SPAG6: variants seen among roughly 807,000 people sequenced by gnomAD.
The protein encoded by SPAG6 is sperm associated antigen 6, also known as sperm-associated antigen 6.
A neutral mutation model predicts 58.5 loss-of-function variants in SPAG6; 49 were observed. That is an observed-to-expected ratio of 0.84 (90% CI 0.67 to 1.06). The LOEUF is 1.06. Ranked by LOEUF, SPAG6 falls within the 50% of genes least tolerant of loss-of-function variation. SPAG6 has a pLI of 0.00. For missense variants in SPAG6, 560 were observed against 611.3 expected (o/e 0.92, Z 0.89); for synonymous variants, 233 against 225.6 (o/e 1.03, Z -0.29).
At position 22,387,972 on chromosome 10, in the gene SPAG6, A is replaced by G; in HGVS notation, c.828A>G (p.Arg276=). The G allele has an allele frequency of 1.2e-6, 2 of 1,611,316 alleles. No homozygotes were observed. The highest frequency in any genetic ancestry group is 1.1e-5 in the South Asian group (1 of 90,302). ...AGAAAAATGCTTCTACTTTAATTAG[A>G]GAGATTGCAAAACATACACCCGAGG... ...YVKKNASTLI[R]EIAKHTPELS... The change falls in exon 6 of 11, where the codon AGA becomes AGG. Residue 276 remains arginine, a synonymous_variant. Transcript: ENST00000376624.
intron 4 of SPAG6, among the ~76,000 whole-genome samples, chr10:22,371,576 T>C (rs548324831): frequency 6.6e-6 from 1 of 152,278 alleles, no homozygotes; most frequent in Admixed American, 6.5e-5. Flanking sequence ...TGTTTGTTTT[T>C]TGAAAATAAC....
In SPAG6 at chr10:22,413,687, T is replaced by TTATATATATATA. The variant is rs1564384057; in HGVS notation, c.1460+2511_1460+2512insTATATATATATA. ...TACCTGACTAATGTTTTCAAATTTC[T>TTATATATATATA]GATATATATATATATATATATTTCA... On this transcript the variant is annotated intron_variant, in intron 10 of 10. Transcript: ENST00000376624. Among the ~76,000 whole-genome samples, 566 of 130,162 alleles carry TTATATATATATA rather than the reference T, an allele frequency of 4.3e-3. 8 individuals are homozygous for TTATATATATATA. Among genetic ancestry groups the TTATATATATATA allele is most frequent in the African/African-American group, 0.023 (518 of 22,472 alleles). 85.4% of individuals were successfully genotyped at this position (130,162 alleles called of 152,430 possible).
At chr10:22,397,251 A>C (rs1187378481) in intron 8 of SPAG6, among the ~76,000 whole-genome samples, 2 of 152,132 alleles carry the variant, frequency 1.3e-5, no homozygotes, top group African/African-American at 4.8e-5. Flanking sequence ...AGAACTAATA[A>C]GAGTTCAACA....
At chr10:22,370,853 G>A (rs181976420) in intron 4 of SPAG6, among the ~76,000 whole-genome samples, 1 of 152,276 alleles carries the variant, frequency 6.6e-6, no homozygotes, top group Admixed American at 6.5e-5. Context: ...AGTATATTTA[G>A]TAAGTTTTTT....
chr10:22,373,887 A>G (rs1453447047), intron 4 of SPAG6, among the ~76,000 whole-genome samples: 4 of 152,222 alleles, frequency 2.6e-5, no homozygotes, highest in African/African-American at 9.6e-5. Flanking sequence ...AAAAATATAA[A>G]GTGAAAATAA....
intron 4 of SPAG6, among the ~76,000 whole-genome samples, chr10:22,374,789 A>T (rs1833780212): frequency 1.3e-5 from 2 of 151,794 alleles, no homozygotes; most frequent in African/African-American, 4.8e-5. Flanking sequence ...AAAAAAAAAG[A>T]TGAATTTTGA....
intron 4 of SPAG6, among the ~76,000 whole-genome samples, chr10:22,386,235 A>G (rs897465880): frequency 6.6e-6 from 1 of 152,220 alleles, no homozygotes; most frequent in African/African-American, 2.4e-5. Flanking sequence ...TCTATTTTGT[A>G]TGAAATTTTT....
chr10:22,355,251 G>A (rs1225565284), intron 2 of SPAG6, among the ~76,000 whole-genome samples: 1 of 152,186 alleles, frequency 6.6e-6, no homozygotes. Context: ...TACCTCATTG[G>A]ATTGTAATGA....
At chr10:22,402,590 A>C (rs1834442227) in intron 9 of SPAG6, among the ~76,000 whole-genome samples, 1 of 152,184 alleles carries the variant, frequency 6.6e-6, no homozygotes, top group African/African-American at 2.4e-5. Flanking sequence ...CCACTCACCC[A>C]GGCAGGATAC....
At chr10:22,381,378 TA>T (rs1311876236) in intron 4 of SPAG6, among the ~76,000 whole-genome samples, 57 of 144,036 alleles carry the variant, frequency 4.0e-4, no homozygotes, top group East Asian at 6.0e-4. Flanking sequence ...AATTTCACAT[TA>T]AAAAAAAAAA....
intron 8 of SPAG6, among the ~76,000 whole-genome samples, chr10:22,400,011 T>G (rs1209621592): frequency 6.6e-6 from 1 of 152,204 alleles, no homozygotes; most frequent in Non-Finnish European, 1.5e-5. Flanking sequence ...AATAAGAGGC[T>G]ATGCAAGACT....
chr10:22,404,862 T>C (rs1191041370), intron 9 of SPAG6, among the ~76,000 whole-genome samples: 2 of 152,212 alleles, frequency 1.3e-5, no homozygotes, highest in Non-Finnish European at 2.9e-5. Flanking sequence ...TCACATCCCT[T>C]GTAAGTTGGA....
chr10:22,380,188 T>A (rs1482777112), intron 4 of SPAG6, among the ~76,000 whole-genome samples: 1 of 152,252 alleles, frequency 6.6e-6, no homozygotes, highest in East Asian at 1.9e-4. Context: ...ACATATTTGT[T>A]ATTATAATTT....
rs145006712 is a variant in SPAG6 at position 22,411,325 on chromosome 10, C to A, written c.1460+149C>A. 93 of 569,708 alleles carry A rather than the reference C, an allele frequency of 1.6e-4. No homozygotes were observed. In the East Asian group the frequency reaches 2.8e-3, roughly 17 times the overall value. 35.3% of individuals were successfully genotyped at this position (569,708 alleles called of 1,614,324 possible). On this transcript the variant is annotated intron_variant, in intron 10 of 10. Transcript: ENST00000376624. ...CTTTATTTCTCTCTTGATCTCTTCC[C>A]CCTGCCAAATTAATTAATGATCTGA...
chr10:22,415,920 C>T (rs1307345190), intron 10 of SPAG6, among the ~76,000 whole-genome samples: 2 of 152,062 alleles, frequency 1.3e-5, no homozygotes, highest in African/African-American at 4.8e-5. Flanking sequence ...AAGCATCTCA[C>T]AATGCACTGA....
chr10:22,412,456 C>T (rs1327763370), intron 10 of SPAG6: 1 of 1,525,000 alleles, frequency 6.6e-7, no homozygotes, highest in Non-Finnish European at 8.8e-7. Context: ...AAATTCTTTC[C>T]AGAGTTGCAA....
intron 2 of SPAG6, among the ~76,000 whole-genome samples, chr10:22,357,013 C>T (rs959228453): frequency 6.6e-6 from 1 of 152,186 alleles, no homozygotes; most frequent in African/African-American, 2.4e-5. Flanking sequence ...AGCTTCCTGT[C>T]TCCCTTCTTG....
In SPAG6 at chr10:22,401,231, A is replaced by G; in HGVS notation, c.1268A>G (p.Asp423Gly). 1 of 1,605,926 alleles carries G rather than the reference A, an allele frequency of 6.2e-7. No homozygotes were observed. The highest frequency in any genetic ancestry group is 1.1e-5 in the South Asian group (1 of 90,850). ...CCAGCCCTTGAACCATTTCTATATG[A>G]TGCTCCTCCCAATATTCTGAAACAT... Reference protein sequence around the residue: ...YLPALEPFLYDAPPNILKHVV... With the variant: ...YLPALEPFLYGAPPNILKHVV... Residue 423 changes from aspartate (D) to glycine (G), a missense_variant, in exon 9 of 11, where the codon GAT (aspartate) becomes GGT (glycine). Coordinates refer to ENST00000376624, the MANE Select transcript of SPAG6 (RefSeq NM_012443.4).
intron 7 of SPAG6, 23 bp from the exon 8 acceptor site, chr10:22,391,706 T>C: frequency 1.2e-6 from 2 of 1,608,482 alleles, no homozygotes; most frequent in Non-Finnish European, 1.7e-6. Flanking sequence ...TCATAACACT[T>C]GCTCTTTTGA....
Sources: gnomAD v4.1 joint callset for allele counts (sites outside exome capture counted in the v4.1 genomes callset) on GRCh38, gnomAD v4.1.1 for gene constraint, MANE v1.5 for transcripts, NCBI Gene and HGNC (gene_info 2026-07-23, HGNC 2026-07-21) for gene names.